The following VGLL3 variants were observed in gnomAD, a reference collection of about 807,000 sequenced individuals.
VGLL3 encodes the protein transcription cofactor vestigial-like protein 3.
A neutral mutation model predicts 29.2 loss-of-function variants in VGLL3; 18 were observed. The observed-to-expected ratio is 0.62, with a 90% CI of 0.43 to 0.91. The LOEUF (loss-of-function observed/expected upper bound fraction) is 0.91, where lower values mean the gene tolerates loss of function less well. Among genes scored for constraint, VGLL3 ranks in the 40% least tolerant of loss-of-function variants. The pLI is 0.00. For missense variants in VGLL3, 440 were observed against 413.2 expected (o/e 1.06, Z -0.56); for synonymous variants, 180 against 151.8 (o/e 1.19, Z -1.36).
intron 2 of VGLL3, among the ~76,000 whole-genome samples, chr3:86,973,775 T>C (rs112335957): frequency 5.5e-4 from 84 of 152,324 alleles, no homozygotes; most frequent in Middle Eastern, 3.4e-3. Context: ...TTGAGAGCTT[T>C]TTCCCATGAG....
chr3:86,973,467 T>G (rs1705146847), intron 2 of VGLL3, among the ~76,000 whole-genome samples: 1 of 152,204 alleles, frequency 6.6e-6, no homozygotes, highest in Non-Finnish European at 1.5e-5. Flanking sequence ...ATGACATGTG[T>G]TCCAGTGTTT....
chr3:86,978,888 A>T (rs1705268710), intron 1 of VGLL3, 86 bp from the exon 2 acceptor site: 4 of 1,391,732 alleles, frequency 2.9e-6, no homozygotes, highest in Non-Finnish European at 9.6e-7. Flanking sequence ...TTAAAAAAAG[A>T]ATCTAAATAT....
At chr3:86,954,082 T>C (rs1704668269) in intron 3 of VGLL3, among the ~76,000 whole-genome samples, 1 of 152,192 alleles carries the variant, frequency 6.6e-6, no homozygotes, top group African/African-American at 2.4e-5. Flanking sequence ...TTTATAGAGG[T>C]ATTTTCTCCA....
At chr3:86,979,818 C>T (rs1411184619) in intron 1 of VGLL3, among the ~76,000 whole-genome samples, 1 of 151,650 alleles carries the variant, frequency 6.6e-6, no homozygotes, top group African/African-American at 2.4e-5. Context: ...GGATATCTAG[C>T]ATATAGATAT....
chr3:86,959,485 T>C (rs1704794119), intron 3 of VGLL3, among the ~76,000 whole-genome samples: 2 of 152,164 alleles, frequency 1.3e-5, no homozygotes, highest in South Asian at 4.1e-4. Flanking sequence ...CAATATATGA[T>C]ATTTTGATGC....
At chr3:86,967,883 C>T (rs545358767) in intron 3 of VGLL3, among the ~76,000 whole-genome samples, 1 of 152,228 alleles carries the variant, frequency 6.6e-6, no homozygotes, top group East Asian at 1.9e-4. Flanking sequence ...GATGAATGCT[C>T]TGTGAAGAAA....
chr3:86,971,472 A>T (rs987290529), intron 2 of VGLL3, among the ~76,000 whole-genome samples: 8 of 152,282 alleles, frequency 5.3e-5, no homozygotes, highest in Admixed American at 2.0e-4. Flanking sequence ...GAAATCTAGG[A>T]AATGGTGTTC....
chr3:86,939,508 C>T lies in VGLL3; in HGVS notation c.*7516G>A, dbSNP rs1276608241. On this transcript the variant is annotated 3_prime_UTR_variant, in exon 4 of 4. Coordinates refer to ENST00000398399, the MANE Select transcript of VGLL3 (RefSeq NM_016206.4). Reference sequence around the variant, plus strand: ...TGTGTGGTAGCACGCATCTGTAGTCCCAGCTACTCGAGAGGCTGAGGCAGG... The same window carrying T: ...TGTGTGGTAGCACGCATCTGTAGTCTCAGCTACTCGAGAGGCTGAGGCAGG... 3 of 152,248 alleles carry T rather than the reference C, an allele frequency of 2.0e-5. No homozygotes were observed. Among genetic ancestry groups the T allele is most frequent in the Non-Finnish European group, 4.4e-5 (3 of 68,178 alleles). 9.4% of individuals were successfully genotyped at this position (152,248 alleles called of 1,614,324 possible). A position where few individuals can be genotyped will look rare whatever the true frequency, so the allele number is the denominator to read the frequency against.
intron 1 of VGLL3, 134 bp downstream of exon 1, chr3:86,990,484 G>T: frequency 8.0e-7 from 1 of 1,256,358 alleles, no homozygotes; most frequent in Non-Finnish European, 1.0e-6. Context: ...ATGGCTTTCT[G>T]CTCAAGGACG....
chr3:86,956,798 A>C, intron 3 of VGLL3, among the ~76,000 whole-genome samples: 1 of 150,940 alleles, frequency 6.6e-6, no homozygotes. Context: ...GTCCCAAAAA[A>C]AAAAAAAAAA....
chr3:86,990,799 C>T lies in VGLL3; in HGVS notation c.-56G>A. The stretch of plus-strand genomic sequence containing the variant: ...GCCGCCGCCGCTCTACGCGCTGGCG[C>T]GAGGGGCGCGGGCGCCGCCGCCGCC... On this transcript the variant is annotated 5_prime_UTR_variant, in exon 1 of 4. Transcript: ENST00000398399. The T allele has an allele frequency of 8.1e-7, 1 of 1,233,522 alleles. No individual in the cohort carries two copies. The highest frequency in any genetic ancestry group is 3.9e-5 in the South Asian group (1 of 25,394). The allele number at this position is 1,233,522 out of a possible 1,614,324, so 76.4% of individuals were successfully genotyped here.
At chr3:86,982,141 T>A (rs186126468) in intron 1 of VGLL3, among the ~76,000 whole-genome samples, 9 of 152,210 alleles carry the variant, frequency 5.9e-5, no homozygotes, top group African/African-American at 1.9e-4. Flanking sequence ...AATTTATTGC[T>A]TTTTTTAATT....
rs1171288505 is a variant in VGLL3, at chr3:86,941,202, G to A, written c.*5822C>T. ...TATCTCCTGAAAAAAAAAATGTATG[G>A]AATAGTATTTTTAAATCAGATATAA... On this transcript the variant is annotated 3_prime_UTR_variant, in exon 4 of 4. Transcript: ENST00000398399. 3 of 151,964 alleles carry A rather than the reference G, an allele frequency of 2.0e-5. No individual in the cohort carries two copies. In the East Asian group the frequency reaches 5.8e-4, roughly 29 times the overall value. The allele number at this position is 151,964 out of a possible 1,614,324, so 9.4% of individuals were successfully genotyped here.
chr3:86,966,514 A>G (rs1298203847), intron 3 of VGLL3, among the ~76,000 whole-genome samples: 1 of 151,896 alleles, frequency 6.6e-6, no homozygotes, highest in Non-Finnish European at 1.5e-5. Context: ...CACACATGCA[A>G]TAGGAAAACC....
At position 86,983,844 on chromosome 3, in the gene VGLL3, T is replaced by A. The variant is rs187638329; in HGVS notation, c.127-5042A>T. 2.6e-3 allele frequency among the ~76,000 whole-genome samples: 397 copies of A among 152,312 alleles called. 1 individual carries two copies. Among genetic ancestry groups the A allele is most frequent in the Non-Finnish European group, 4.4e-3 (300 of 68,024 alleles). Reference sequence around the variant, plus strand: ...TAACTGTCCTCTCACATACACATATTTTGTCAGAATAAGTATTCCCAAGTA... The same window carrying A: ...TAACTGTCCTCTCACATACACATATATTGTCAGAATAAGTATTCCCAAGTA... On this transcript the variant is annotated intron_variant, in intron 1 of 3. Coordinates refer to ENST00000398399, the MANE Select transcript of VGLL3 (RefSeq NM_016206.4).
At chr3:86,947,264 G>A (rs1704527850) in intron 3 of VGLL3, among the ~76,000 whole-genome samples, 197 bp from the exon 4 acceptor site, 1 of 152,042 alleles carries the variant, frequency 6.6e-6, no homozygotes, top group Non-Finnish European at 1.5e-5. Context: ...AACTAACACA[G>A]TATGTGACAA....
intron 1 of VGLL3, among the ~76,000 whole-genome samples, chr3:86,986,526 T>A (rs1000119196): frequency 6.6e-6 from 1 of 152,154 alleles, no homozygotes; most frequent in Non-Finnish European, 1.5e-5. Context: ...AGTTAATTTG[T>A]GTAGTGTGAA....
At chr3:86,983,932 G>A (rs77213577) in intron 1 of VGLL3, among the ~76,000 whole-genome samples, 7 of 152,250 alleles carry the variant, frequency 4.6e-5, no homozygotes, top group African/African-American at 1.4e-4. Flanking sequence ...TGGCAGAGAT[G>A]GGATTAGAAC....
intron 2 of VGLL3, among the ~76,000 whole-genome samples, chr3:86,973,288 T>C (rs1287024318): frequency 6.6e-6 from 1 of 152,204 alleles, no homozygotes. Flanking sequence ...CAATATTGAT[T>C]AAAATATGAT....
Sources: gnomAD v4.1 joint callset for allele counts (sites outside exome capture counted in the v4.1 genomes callset) on GRCh38, gnomAD v4.1.1 for gene constraint, MANE v1.5 for transcripts, NCBI Gene and HGNC (gene_info 2026-07-23, HGNC 2026-07-21) for gene names.